The following CD163L1 variants were observed in gnomAD, a reference collection of about 807,000 sequenced individuals.
The protein encoded by CD163L1 is scavenger receptor cysteine-rich type 1 protein M160.
A neutral mutation model predicts 165.4 loss-of-function variants in CD163L1; 124 were observed. The ratio of observed to expected loss-of-function variants is 0.75; its 90% confidence interval spans 0.65 to 0.87. CD163L1 has a LOEUF of 0.87. Among genes scored for constraint, CD163L1 ranks in the 40% least tolerant of loss-of-function variants. The probability of loss-of-function intolerance (pLI) is 0.00; values close to 1 mark genes in which losing one functional copy is unlikely to be tolerated. For missense variants in CD163L1, 1,525 were observed against 1,799.9 expected (o/e 0.85, Z 2.76); for synonymous variants, 585 against 662.2 (o/e 0.88, Z 1.79).
intron 5 of CD163L1, among the ~76,000 whole-genome samples, chr12:7,405,589 C>T (rs192780185): frequency 1.0e-3 from 157 of 152,260 alleles, no homozygotes; most frequent in Non-Finnish European, 1.9e-3. Context: ...TAAACCTCTT[C>T]GTCTACATAT....
intron 8 of CD163L1, among the ~76,000 whole-genome samples, chr12:7,392,234 A>G (rs1036506001): frequency 7.2e-5 from 11 of 152,262 alleles, no homozygotes; most frequent in African/African-American, 2.7e-4. Flanking sequence ...CTCTCAGACC[A>G]CAGCGCAATC....
At chr12:7,380,112 T>C (rs1158551653) in intron 8 of CD163L1, among the ~76,000 whole-genome samples, 1 of 152,022 alleles carries the variant, frequency 6.6e-6, no homozygotes, top group South Asian at 2.1e-4. Context: ...GAGCTACCAT[T>C]TGATCCAGCA....
At chr12:7,443,401 C>T (rs1445267045) in intron 1 of CD163L1, among the ~76,000 whole-genome samples, 1 of 152,132 alleles carries the variant, frequency 6.6e-6, no homozygotes, top group Non-Finnish European at 1.5e-5. Flanking sequence ...TCTTTATTTC[C>T]ACGAAATGTC....
At chr12:7,342,343 C>A (rs979316890), downstream of CD163L1, among the ~76,000 whole-genome samples, 2 of 152,234 alleles carry the variant, frequency 1.3e-5, no homozygotes, top group Non-Finnish European at 2.9e-5. Flanking sequence ...GCTCCTGCTG[C>A]AGATAACTAG....
chr12:7,408,054 C>T (rs1948065039), intron 4 of CD163L1, among the ~76,000 whole-genome samples: 1 of 149,086 alleles, frequency 6.7e-6, no homozygotes, highest in Admixed American at 6.7e-5. Context: ...TATATTTTTA[C>T]ACTTAGCAAA....
chr12:7,441,595 A>C (rs1017762361), intron 1 of CD163L1, among the ~76,000 whole-genome samples: 1 of 151,982 alleles, frequency 6.6e-6, no homozygotes, highest in Admixed American at 6.6e-5. Flanking sequence ...CCCTCTCCTC[A>C]TTTTTACTGT....
chr12:7,393,415 A>C (rs927327053), intron 8 of CD163L1, among the ~76,000 whole-genome samples: 1 of 152,350 alleles, frequency 6.6e-6, no homozygotes, highest in African/African-American at 2.4e-5. Context: ...TATTGATGGA[A>C]CGTATCTCAA....
chr12:7,386,227 T>A (rs1172837694), intron 8 of CD163L1, among the ~76,000 whole-genome samples: 1 of 151,950 alleles, frequency 6.6e-6, no homozygotes. Context: ...GAAGAAAGGA[T>A]AAATTCCTGT....
intron 4 of CD163L1, among the ~76,000 whole-genome samples, chr12:7,423,612 A>G (rs1453648299): frequency 2.0e-5 from 3 of 152,106 alleles, no homozygotes; most frequent in Admixed American, 6.5e-5. Context: ...AGAGAGAAGA[A>G]TCATATAGAC....
At chr12:7,366,342 A>G (rs1947021461) in intron 18 of CD163L1, among the ~76,000 whole-genome samples, 1 of 152,170 alleles carries the variant, frequency 6.6e-6, no homozygotes, top group South Asian at 2.1e-4. Context: ...TAAGGTGACT[A>G]TAATTTACAA....
chr12:7,335,166 AAG>A, the CD163L1 span, among the ~76,000 whole-genome samples: 1 of 152,216 alleles, frequency 6.6e-6, no homozygotes, highest in South Asian at 2.1e-4. Context: ...GGAACCAAAA[AAG>A]AGCCTGCATC....
At chr12:7,334,894 G>C in the CD163L1 span, among the ~76,000 whole-genome samples, 3 of 152,142 alleles carry the variant, frequency 2.0e-5, no homozygotes, top group African/African-American at 7.2e-5. Flanking sequence ...ATTCACAATT[G>C]CTTCAAAGAG....
downstream of CD163L1, among the ~76,000 whole-genome samples, chr12:7,344,469 G>A (rs1043376074): frequency 1.3e-5 from 2 of 152,182 alleles, no homozygotes; most frequent in South Asian, 4.1e-4. Flanking sequence ...CAAGGGGTAG[G>A]CTTCCAAGGC....
At position 7,398,272 on chromosome 12, in the gene CD163L1, G is replaced by A. The variant is rs140730839; in HGVS notation, c.1721C>T (p.Thr574Ile). The A allele has an allele frequency of 3.9e-5, 63 of 1,613,108 alleles. No homozygotes were observed. In the African/African-American group the frequency reaches 7.9e-4, roughly 20 times the overall value. ...ACAAGAACAAGTCTTACCTGAGCAG[G>A]TTACAATCACATCCTCTCTGTGTAC... Reference protein sequence around the residue: ...NCVHREDVIVTCSGDATWGLR... With the variant: ...NCVHREDVIVICSGDATWGLR... Residue 574 changes from threonine (T) to isoleucine (I), a missense_variant, in exon 7 of 20, where the codon ACC becomes ATC. Transcript: ENST00000313599. This position sits in a 1 kb window ranked among gnomAD's most constrained non-coding sequence, Gnocchi z 4.5.
At chr12:7,421,013 G>GTA (rs1456559126) in intron 4 of CD163L1, among the ~76,000 whole-genome samples, 8 of 94,634 alleles carry the variant, frequency 8.5e-5, no homozygotes, top group African/African-American at 2.5e-4. Flanking sequence ...ATATATACGT[G>GTA]TATATATATA....
chr12:7,411,594 CCCTTG>C (rs1948139140), intron 4 of CD163L1, among the ~76,000 whole-genome samples: 1 of 152,008 alleles, frequency 6.6e-6, no homozygotes, highest in Non-Finnish European at 1.5e-5. Flanking sequence ...TGCTGACTTC[CCCTTG>C]GCCTTCTGCC....
At chr12:7,353,323 T>C (rs6416257), downstream of CD163L1, among the ~76,000 whole-genome samples, 151,430 of 152,142 alleles carry the variant, frequency 1, 75,367 homozygotes, top group Middle Eastern at 1. Flanking sequence ...TATATCAGCA[T>C]GAGGCACAGA....
At chr12:7,384,576 A>T (rs1947477019) in intron 8 of CD163L1, among the ~76,000 whole-genome samples, 1 of 152,176 alleles carries the variant, frequency 6.6e-6, no homozygotes, top group Non-Finnish European at 1.5e-5. Context: ...GTGCAAGGAA[A>T]CCCAGATCAG....
chr12:7,373,665 A>G (rs1947193073), intron 13 of CD163L1, 25 bp from the exon 14 acceptor site: 5 of 1,531,334 alleles, frequency 3.3e-6, no homozygotes, highest in Non-Finnish European at 3.5e-6. Flanking sequence ...AAAACTTAGT[A>G]TTAAATATTT....
Sources: gnomAD v4.1 joint callset for allele counts (sites outside exome capture counted in the v4.1 genomes callset) on GRCh38, gnomAD v4.1.1 for gene constraint, Gnocchi (gnomAD v3.1) non-coding constraint, MANE v1.5 for transcripts, NCBI Gene and HGNC (gene_info 2026-07-23, HGNC 2026-07-21) for gene names.